PDE11A: variants seen among roughly 807,000 people sequenced by gnomAD.
PDE11A encodes the protein phosphodiesterase 11A, also known as dual 3',5'-cyclic-AMP and -GMP phosphodiesterase 11A.
Under a neutral mutation model 100.5 loss-of-function variants are expected in PDE11A, and 100 were observed. That is an observed-to-expected ratio of 1.00 (90% confidence interval 0.85 to 1.18). The LOEUF is 1.18. Ranked by LOEUF, PDE11A falls within the 50% of genes most tolerant of loss-of-function variation. PDE11A has a pLI of 0.00. For missense variants in PDE11A, 1,141 were observed against 1,152.6 expected (o/e 0.99, Z 0.15); for synonymous variants, 381 against 420.8 (o/e 0.91, Z 1.16).
intron 14 of PDE11A, among the ~76,000 whole-genome samples, chr2:177,699,165 T>A (rs1202348166): frequency 6.6e-6 from 1 of 152,192 alleles, no homozygotes; most frequent in Non-Finnish European, 1.5e-5. Flanking sequence ...TACACAAAAC[T>A]AGATGATACA....
At chr2:177,835,107 T>C (rs2083372822) in intron 6 of PDE11A, among the ~76,000 whole-genome samples, 1 of 152,002 alleles carries the variant, frequency 6.6e-6, no homozygotes, top group Non-Finnish European at 1.5e-5. Flanking sequence ...TTAACGTGAG[T>C]GGAAGCTGCA....
intron 2 of PDE11A, among the ~76,000 whole-genome samples, chr2:178,090,404 C>A (rs1254513000): frequency 6.6e-6 from 1 of 152,154 alleles, no homozygotes; most frequent in East Asian, 1.9e-4. Context: ...TAAAGCAACA[C>A]TGAACACATT....
intron 2 of PDE11A, among the ~76,000 whole-genome samples, chr2:177,989,464 T>C (rs2085977581): frequency 6.6e-6 from 1 of 152,180 alleles, no homozygotes; most frequent in Non-Finnish European, 1.5e-5. Context: ...TTTCTGTAAA[T>C]TCCTTTATGC....
chr2:177,983,830 T>C (rs575917231), intron 2 of PDE11A, among the ~76,000 whole-genome samples: 1 of 152,214 alleles, frequency 6.6e-6, no homozygotes, highest in Non-Finnish European at 1.5e-5. Flanking sequence ...TCAGCAAGTC[T>C]GTGTAATCTG....
intron 2 of PDE11A, among the ~76,000 whole-genome samples, chr2:178,084,925 T>C (rs1014119684): frequency 7.9e-5 from 12 of 152,206 alleles, no homozygotes; most frequent in Admixed American, 5.9e-4. Context: ...CCATTATGTA[T>C]GCCACATCTA....
At chr2:177,757,865 G>C (rs963594830) in intron 10 of PDE11A, among the ~76,000 whole-genome samples, 1 of 152,050 alleles carries the variant, frequency 6.6e-6, no homozygotes, top group Non-Finnish European at 1.5e-5. Context: ...CTGTTACAGT[G>C]GGACTGTAAC....
chr2:177,713,993 T>TTTTA (rs2081397125), intron 12 of PDE11A, among the ~76,000 whole-genome samples: 1 of 115,232 alleles, frequency 8.7e-6, no homozygotes, highest in African/African-American at 3.2e-5. Context: ...TTTTCTTTTT[T>TTTTA]TTTTTTTTTT....
intron 14 of PDE11A, chr2:177,698,650 C>A (rs1022133595): frequency 6.6e-6 from 1 of 151,998 alleles, no homozygotes; most frequent in African/African-American, 2.4e-5. Flanking sequence ...TATCTGTTTC[C>A]CCAAGTTAAT....
intron 10 of PDE11A, among the ~76,000 whole-genome samples, chr2:177,744,585 G>T (rs1302559478): frequency 1.3e-5 from 2 of 152,110 alleles, no homozygotes; most frequent in Non-Finnish European, 2.9e-5. Flanking sequence ...CTCTTAATGA[G>T]GATAATTTCT....
intron 2 of PDE11A, among the ~76,000 whole-genome samples, chr2:178,094,907 C>T (rs1362349971): frequency 6.6e-6 from 1 of 152,166 alleles, no homozygotes; most frequent in Non-Finnish European, 1.5e-5. Flanking sequence ...AACTCACTAT[C>T]ATGAGAACAG....
chr2:178,085,002 G>A (rs940451797), intron 2 of PDE11A, among the ~76,000 whole-genome samples: 1 of 152,182 alleles, frequency 6.6e-6, no homozygotes, highest in African/African-American at 2.4e-5. Flanking sequence ...TGCCACACAA[G>A]TGGGAATGTC....
intron 5 of PDE11A, among the ~76,000 whole-genome samples, chr2:177,848,984 T>A (rs2083651418): frequency 6.6e-6 from 1 of 152,248 alleles, no homozygotes; most frequent in Admixed American, 6.5e-5. Flanking sequence ...AGACTGTGCT[T>A]GTGTTCATGT....
chr2:178,095,532 T>A (rs748251709), intron 2 of PDE11A, among the ~76,000 whole-genome samples: 3 of 152,182 alleles, frequency 2.0e-5, no homozygotes, highest in Non-Finnish European at 4.4e-5. Context: ...CAGGCACACA[T>A]GCAAGCTGTT....
At chr2:177,648,689 T>C (rs568014729) in intron 19 of PDE11A, among the ~76,000 whole-genome samples, 2 of 152,120 alleles carry the variant, frequency 1.3e-5, no homozygotes, top group East Asian at 1.9e-4. Flanking sequence ...TAAAATAGTA[T>C]AACTAGGCAG....
chr2:177,722,233 C>A (rs958550975), intron 12 of PDE11A, among the ~76,000 whole-genome samples: 6 of 152,176 alleles, frequency 3.9e-5, no homozygotes, highest in Non-Finnish European at 7.3e-5. Flanking sequence ...TATACTTTCC[C>A]TGTAACGTCG....
chr2:178,037,351 T>C (rs1040843740), intron 1 of PDE11A, among the ~76,000 whole-genome samples: 3 of 152,090 alleles, frequency 2.0e-5, no homozygotes, highest in Non-Finnish European at 4.4e-5. Flanking sequence ...GAATAGTGAC[T>C]ATTAAAAAGT....
chr2:177,936,521 A>G (rs1199585620), intron 2 of PDE11A, among the ~76,000 whole-genome samples: 3 of 152,262 alleles, frequency 2.0e-5, no homozygotes, highest in Non-Finnish European at 4.4e-5. Flanking sequence ...GCTGAGAAGA[A>G]CAGGTCTCTA....
chr2:177,711,920 C>G (rs372425317), intron 12 of PDE11A, 42 bp from the exon 13 acceptor site: 2 of 1,005,514 alleles, frequency 2.0e-6, no homozygotes, highest in Admixed American at 1.7e-5. Flanking sequence ...TACTGGGGTA[C>G]GGAGGATGGA....
intron 3 of PDE11A, among the ~76,000 whole-genome samples, chr2:177,903,936 CAGAGAAAAGATGTGG>C (rs2084738947): frequency 6.6e-6 from 1 of 152,116 alleles, no homozygotes; most frequent in African/African-American, 2.4e-5. Context: ...AAGATCAAAA[CAGAGAAAAGATGTGG>C]TATGTCATGC....
Sources: allele counts gnomAD v4.1 joint callset (sites outside exome capture counted in the v4.1 genomes callset), GRCh38; gene constraint gnomAD v4.1.1; transcripts MANE v1.5; gene names NCBI Gene and HGNC (gene_info 2026-07-23, HGNC 2026-07-21).